NCAM1: variants seen among roughly 807,000 people sequenced by gnomAD.
NCAM1 encodes the protein neural cell adhesion molecule 1.
In NCAM1, 14 loss-of-function variants were observed where a neutral mutation model predicts 109.8. The ratio of observed to expected loss-of-function variants is 0.13; its 90% confidence interval spans 0.08 to 0.20. The LOEUF is 0.20. Among genes scored for constraint, NCAM1 ranks in the 10% least tolerant of loss-of-function variants. NCAM1 has a pLI of 1.00. For missense variants in NCAM1, 774 were observed against 1,109.9 expected (o/e 0.70, Z 4.30); for synonymous variants, 418 against 442.9 (o/e 0.94, Z 0.70).
intron 1 of NCAM1, among the ~76,000 whole-genome samples, chr11:113,073,743 G>A (rs1345409525): frequency 6.6e-6 from 1 of 152,188 alleles, no homozygotes; most frequent in Admixed American, 6.5e-5. Flanking sequence ...CGAGTCAGCT[G>A]GTGGTGTGGA....
intron 1 of NCAM1, among the ~76,000 whole-genome samples, chr11:113,111,932 T>G (rs2135959562): frequency 6.6e-6 from 1 of 152,368 alleles, no homozygotes; most frequent in Non-Finnish European, 1.5e-5. Flanking sequence ...CTGGATTTTC[T>G]CATCGCAGAT....
Position 113,231,736 on chromosome 11 carries a change from T to G in NCAM1, c.1181T>G (p.Ile394Ser). ...CAGTACACTGATGCCGGAGAGTACA[T>G]CTGCACCGCCAGCAACACCATCGGC... ...SIQYTDAGEY[I>S]CTASNTIGQD... The change falls in exon 10 of 20, where the codon ATC (isoleucine) becomes AGC (serine). Residue 394 changes from isoleucine to serine, a missense_variant. By Grantham distance (142) the Ile-to-Ser change is moderately radical (BLOSUM62 -2). Around this residue, in one of 4 missense-constraint regions of NCAM1, gnomAD observed 523 missense variants for 784.2 expected, o/e 0.67. Coordinates refer to ENST00000316851, the MANE Select transcript of NCAM1 (RefSeq NM_181351.5). 3 of 1,613,542 alleles carry G rather than the reference T, an allele frequency of 1.9e-6. No homozygotes were observed. The highest frequency in any genetic ancestry group is 2.5e-6 in the Non-Finnish European group (3 of 1,179,736).
intron 1 of NCAM1, among the ~76,000 whole-genome samples, chr11:112,998,474 G>A (rs1405117351): frequency 2.0e-5 from 3 of 151,922 alleles, no homozygotes; most frequent in African/African-American, 7.3e-5. Context: ...AATAAATTAT[G>A]GTGTATCCTA....
In NCAM1 at chr11:113,273,714, G is replaced by A; in HGVS notation, c.2457-1553G>A. The A allele has an allele frequency of 2.2e-6, 1 of 452,776 alleles. No individual in the cohort carries two copies. Among genetic ancestry groups the A allele is most frequent in the Non-Finnish European group, 4.5e-6 (1 of 224,552 alleles). 28.0% of individuals were successfully genotyped at this position (452,776 alleles called of 1,614,324 possible). ...CCCTGAGCTTGCTCCTTCCACTGCAGACAGCTCTGTTTCGCCTGCGCCAGC... is the reference window on the plus strand; with the variant it reads ...CCCTGAGCTTGCTCCTTCCACTGCAAACAGCTCTGTTTCGCCTGCGCCAGC... On this transcript the variant is annotated intron_variant, in intron 19 of 19. Transcript: ENST00000316851. This position sits in a 1 kb window ranked among gnomAD's most constrained non-coding sequence, Gnocchi z 6.0.
intron 1 of NCAM1, among the ~76,000 whole-genome samples, chr11:113,067,816 G>GT (rs1284555313): frequency 6.6e-6 from 1 of 151,612 alleles, no homozygotes; most frequent in Non-Finnish European, 1.5e-5. Flanking sequence ...TGTTAACAAA[G>GT]TTAAAGGGCT....
At position 113,273,285 on chromosome 11, in the gene NCAM1, C is replaced by T. The variant is rs1946327877; in HGVS notation, c.2456+1409C>T. ...TGTCCTGGCTAACCAAGGGGCTGTC[C>T]TCAGCCCAAGCGCCCCTGCTGGTGT... On this transcript the variant is annotated intron_variant, in intron 19 of 19. Transcript: ENST00000316851. This position sits in a 1 kb window ranked among gnomAD's most constrained non-coding sequence, Gnocchi z 6.0. 2.8e-6 allele frequency: 1 copy of T among 352,790 alleles called. No homozygotes were observed. Among genetic ancestry groups the T allele is most frequent in the Non-Finnish European group, 5.6e-6 (1 of 178,180 alleles). 21.9% of individuals were successfully genotyped at this position (352,790 alleles called of 1,614,324 possible).
At chr11:112,988,932 G>C (rs1951388982) in intron 1 of NCAM1, among the ~76,000 whole-genome samples, 1 of 151,928 alleles carries the variant, frequency 6.6e-6, no homozygotes, top group Non-Finnish European at 1.5e-5. Flanking sequence ...ATTTTTAGTA[G>C]AGACAGGATT....
chr11:112,987,072 A>C (rs903714442), intron 1 of NCAM1, among the ~76,000 whole-genome samples: 3 of 152,112 alleles, frequency 2.0e-5, no homozygotes, highest in Admixed American at 2.0e-4. Flanking sequence ...GCTGCATCCT[A>C]TAAGATTTGG....
At chr11:113,067,514 C>T (rs1938024046) in intron 1 of NCAM1, among the ~76,000 whole-genome samples, 1 of 152,170 alleles carries the variant, frequency 6.6e-6, no homozygotes, top group Non-Finnish European at 1.5e-5. Flanking sequence ...AAATTTGAAA[C>T]ATTAGTGTTT....
intron 1 of NCAM1, among the ~76,000 whole-genome samples, chr11:112,987,122 T>C (rs1292089118): frequency 6.6e-6 from 1 of 152,146 alleles, no homozygotes; most frequent in Non-Finnish European, 1.5e-5. Flanking sequence ...AAGATATTTT[T>C]TGATTTCTCT....
chr11:113,011,130 A>T (rs1475567900), intron 1 of NCAM1, among the ~76,000 whole-genome samples: 31 of 106,446 alleles, frequency 2.9e-4, no homozygotes, highest in Non-Finnish European at 4.8e-4. Flanking sequence ...ACCCCACCAC[A>T]GTCCCCAGAG....
intron 1 of NCAM1, 109 bp downstream of exon 1, chr11:112,961,773 C>A: frequency 1.4e-6 from 1 of 733,890 alleles, no homozygotes; most frequent in Non-Finnish European, 2.3e-6. Flanking sequence ...ACTGCTAAGG[C>A]TGGTCATTTT....
chr11:113,205,783 A>G (rs1418598366), intron 4 of NCAM1, 117 bp downstream of exon 4: 8 of 1,397,076 alleles, frequency 5.7e-6, no homozygotes, highest in African/African-American at 4.3e-5. Context: ...CCGAACCCTC[A>G]TGTGGTTTCT....
intron 17 of NCAM1, 97 bp from the exon 18 acceptor site, chr11:113,270,091 C>T: frequency 8.5e-7 from 1 of 1,183,112 alleles, no homozygotes; most frequent in Non-Finnish European, 1.2e-6. Context: ...TGACTCTGTC[C>T]TCTGGGCCCT....
chr11:113,221,312 C>A lies in NCAM1; in HGVS notation c.1076C>A (p.Pro359Gln). 6.4e-7 allele frequency: 1 copy of A among 1,567,098 alleles called. No individual in the cohort carries two copies. ...TTTCTCCAGGCTTCGTGGACTCGAC[C>A]AGAGAAGCAAGAGGTATAGCTTACC... is the stretch of plus-strand genomic sequence containing the variant. ...SSEEKASWTR[P>Q]EKQETLDGHM... Residue 359 changes from proline (P) to glutamine (Q), a missense_variant, in exon 9 of 20, where the codon CCA becomes CAA. Transcript: ENST00000316851.
At chr11:113,263,355 C>A (rs1946060489) in intron 17 of NCAM1, 1 of 995,976 alleles carries the variant, frequency 1.0e-6, no homozygotes, top group African/African-American at 1.7e-5. Context: ...CTCATTCTAA[C>A]TCTGTGCTCC....
chr11:113,058,024 C>T (rs1953775075), intron 1 of NCAM1, among the ~76,000 whole-genome samples: 1 of 152,104 alleles, frequency 6.6e-6, no homozygotes, highest in Non-Finnish European at 1.5e-5. Context: ...GTGGCTCACA[C>T]CTGTAATTCC....
At chr11:113,024,558 GTT>G (rs1952483276) in intron 1 of NCAM1, among the ~76,000 whole-genome samples, 1 of 152,070 alleles carries the variant, frequency 6.6e-6, no homozygotes, top group East Asian at 1.9e-4. Context: ...CTTGTAGAAG[GTT>G]TTCTAGGCTT....
intron 9 of NCAM1, among the ~76,000 whole-genome samples, chr11:113,229,298 A>G (rs935838139): frequency 6.6e-6 from 1 of 152,250 alleles, no homozygotes; most frequent in Non-Finnish European, 1.5e-5. Flanking sequence ...TTCTCAAAAG[A>G]AGATATTTAT....
Sources: allele counts gnomAD v4.1 joint callset (sites outside exome capture counted in the v4.1 genomes callset), GRCh38; gene constraint gnomAD v4.1.1; regional missense constraint gnomAD v4.1.1; non-coding constraint Gnocchi (gnomAD v3.1); transcripts MANE v1.5; gene names NCBI Gene and HGNC (gene_info 2026-07-23, HGNC 2026-07-21).